ZFHX2: variants seen among roughly 807,000 people sequenced by gnomAD.
ZFHX2 encodes zinc finger homeobox 2.
A neutral mutation model predicts 164.8 loss-of-function variants in ZFHX2; 75 were observed. That is an observed-to-expected ratio of 0.46 (90% CI 0.38 to 0.55). ZFHX2 has a LOEUF of 0.55. Among genes scored for constraint, ZFHX2 ranks in the 20% least tolerant of loss-of-function variants. ZFHX2 has a pLI of 0.00. For missense variants in ZFHX2, 2,933 were observed against 3,308.0 expected, an observed-to-expected ratio of 0.89 and a Z score of 2.78; for synonymous variants, 1,217 against 1,351.4, an observed-to-expected ratio of 0.90 and a Z score of 2.18.
In ZFHX2 at chr14:23,533,295, G is replaced by C. The variant is rs1213153436; in HGVS notation, c.2031C>G (p.Phe677Leu). The C allele has an allele frequency of 5.6e-6, 8 of 1,436,748 alleles. No homozygotes were observed. In the East Asian group the frequency reaches 2.0e-4, roughly 36 times the overall value. 89.0% of individuals were successfully genotyped at this position (1,436,748 alleles called of 1,614,324 possible). A position where few individuals can be genotyped will look rare whatever the true frequency, so the allele number is the denominator to read the frequency against. Residue 677 changes from phenylalanine to leucine, a missense_variant, in exon 2 of 10, where the codon TTC (phenylalanine) becomes TTG (leucine). Transcript: ENST00000419474. The surrounding 1 kb of genome is among the most constrained non-coding windows in gnomAD (Gnocchi z 4.8). ...AGCACAGAAGCTTACCGGATGTGGG[G>C]AACTTGCGGGCAGGTGCTCCTACGT... is the stretch of plus-strand genomic sequence containing the variant. ...FHHVGAPARK[F>L]PTSAPGSLSP...
intron 1 of ZFHX2, among the ~76,000 whole-genome samples, chr14:23,549,528 T>C (rs992561879): frequency 2.0e-5 from 3 of 152,006 alleles, no homozygotes; most frequent in South Asian, 4.1e-4. Context: ...ATTACACTAA[T>C]AAACACTGCC....
rs1299604100 is a variant in ZFHX2, at chr14:23,526,181, C to T, written c.3761G>A (p.Arg1254Lys). Reference sequence around the variant, plus strand: ...GGTGGAGCTCTGGTTGTAGGAGACTCTGCAGACTGTGCACTTAAAGGGCTT... The same window carrying T: ...GGTGGAGCTCTGGTTGTAGGAGACTTTGCAGACTGTGCACTTAAAGGGCTT... The part of the protein sequence containing the change: ...TDKPFKCTVC[R>K]VSYNQSSTLE... The change falls in exon 9 of 10, where the codon AGA becomes AAA. Residue 1254 changes from arginine (R) to lysine (K), a missense_variant. Arg to Lys is a conservative substitution (Grantham distance 26). Transcript: ENST00000419474. The T allele has an allele frequency of 5.9e-6, 9 of 1,536,534 alleles. No individual in the cohort carries two copies. The highest frequency in any genetic ancestry group is 2.4e-5 in the East Asian group (1 of 40,900).
chr14:23,521,885 G>C lies in ZFHX2; in HGVS notation c.*77C>G. 1.3e-6 allele frequency: 2 copies of C among 1,515,026 alleles called. No individual in the cohort carries two copies. Among genetic ancestry groups the C allele is most frequent in the Admixed American group, 4.1e-5 (2 of 48,862 alleles). 93.8% of individuals were successfully genotyped at this position (1,515,026 alleles called of 1,614,324 possible). ...GGCCAGGGGGTGGGGTGAGGGATTTGAGCTCCCACCGAACACCCCTTGGGG... is the reference window on the plus strand; with the variant it reads ...GGCCAGGGGGTGGGGTGAGGGATTTCAGCTCCCACCGAACACCCCTTGGGG... On this transcript the variant is annotated 3_prime_UTR_variant, in exon 10 of 10. Coordinates refer to ENST00000419474, the MANE Select transcript of ZFHX2 (RefSeq NM_033400.3).
chr14:23,521,622 A>T lies in ZFHX2; in HGVS notation c.*340T>A. ...GGGAGCTGGGAATTCAGTGAGGAAA[A>T]GGAAGATAGAACCAAGGATATATTT... On this transcript the variant is annotated 3_prime_UTR_variant, in exon 10 of 10. Transcript: ENST00000419474. 4.1e-6 allele frequency: 1 copy of T among 242,126 alleles called. No homozygotes were observed. The highest frequency in any genetic ancestry group is 8.0e-6 in the Non-Finnish European group (1 of 125,482). The allele number at this position is 242,126 out of a possible 1,614,324, so 15.0% of individuals were successfully genotyped here.
rs965542534 is a variant in ZFHX2 at position 23,546,955 on chromosome 14, C to T, written c.-50+4388G>A. 6.6e-6 allele frequency among the ~76,000 whole-genome samples: 1 copy of T among 152,196 alleles called. No homozygotes were observed. Among genetic ancestry groups the T allele is most frequent in the Non-Finnish European group, 1.5e-5 (1 of 68,038 alleles). Reference sequence around the variant, plus strand: ...TCCTCCAGCACTCCCAGCTCTCTCCCCTGTCTTCTTTTGTAGATTTCTCAA... The same window carrying T: ...TCCTCCAGCACTCCCAGCTCTCTCCTCTGTCTTCTTTTGTAGATTTCTCAA... On this transcript the variant is annotated intron_variant, in intron 1 of 9. Coordinates refer to ENST00000419474, the MANE Select transcript of ZFHX2 (RefSeq NM_033400.3). The surrounding 1 kb of genome is among the most constrained non-coding windows in gnomAD (Gnocchi z 4.7).
chr14:23,527,799 G>A lies in ZFHX2; in HGVS notation c.2940C>T (p.Tyr980=). 2 of 1,525,272 alleles carry A rather than the reference G, an allele frequency of 1.3e-6. No individual in the cohort carries two copies. Among genetic ancestry groups the A allele is most frequent in the African/African-American group, 1.4e-5 (1 of 72,778 alleles). 94.5% of individuals were successfully genotyped at this position (1,525,272 alleles called of 1,614,324 possible). The part of the protein sequence containing the change: ...SRDSANQTTV[Y]CCPYCSFLSP... ...TCAGGAAGCTGCAGTATGGACAGCA[G>A]TATACCTGGAGGGAACATATGGGCA... The change falls in exon 7 of 10, where the codon TAC becomes TAT. Residue 980 remains tyrosine, a synonymous_variant. Transcript: ENST00000419474.
chr14:23,522,137 C>A lies in ZFHX2; in HGVS notation c.7544G>T (p.Arg2515Leu). The stretch of plus-strand genomic sequence containing the variant: ...TGCCTTGCGCCTGTGGGCCGAGGAG[C>A]GCAGGTGGGAGGCTAGGGCTTCACG... ...SGREALASHL[R>L]SSAHRRKAAP... is the part of the protein sequence containing the mutation. Residue 2515 changes from arginine to leucine, a missense_variant, in exon 10 of 10, where the codon CGC (arginine) becomes CTC (leucine). Transcript: ENST00000419474. 1 of 1,525,278 alleles carries A rather than the reference C, an allele frequency of 6.6e-7. No homozygotes were observed. The highest frequency in any genetic ancestry group is 8.8e-7 in the Non-Finnish European group (1 of 1,141,462). 94.5% of individuals were successfully genotyped at this position (1,525,278 alleles called of 1,614,324 possible). A position where few individuals can be genotyped will look rare whatever the true frequency, so the allele number is the denominator to read the frequency against.
chr14:23,534,424 G>C lies in ZFHX2; in HGVS notation c.902C>G (p.Ser301Cys). 6.5e-7 allele frequency: 1 copy of C among 1,536,800 alleles called. No individual in the cohort carries two copies. The highest frequency in any genetic ancestry group is 8.7e-7 in the Non-Finnish European group (1 of 1,147,060). ...GCTGTTGTCAAGGGGTATGTCAGAA[G>C]AGGGGCGAGCAGGGAGTTTTGGCTC... ...FLEPKLPARP[S>C]SDIPLDNSST... The change falls in exon 2 of 10, where the codon TCT becomes TGT. Residue 301 changes from serine (S) to cysteine (C), a missense_variant. Transcript: ENST00000419474. This position sits in a 1 kb window ranked among gnomAD's most constrained non-coding sequence, Gnocchi z 4.5.
At chr14:23,531,333 TA>T (rs2138760006) in intron 4 of ZFHX2, 147 bp downstream of exon 4, 7 of 1,202,822 alleles carry the variant, frequency 5.8e-6, no homozygotes, top group Non-Finnish European at 7.5e-6. Context: ...CATTCTGTCT[TA>T]TCCCTTCGCA....
In ZFHX2 at chr14:23,535,359, C is replaced by T. The variant is rs1288185429; in HGVS notation, c.-34G>A. The T allele has an allele frequency of 1.3e-5, 18 of 1,439,450 alleles. No individual in the cohort carries two copies. Among genetic ancestry groups the T allele is most frequent in the South Asian group, 5.8e-5 (4 of 68,800 alleles). The allele number at this position is 1,439,450 out of a possible 1,614,324, so 89.2% of individuals were successfully genotyped here. A position where few individuals can be genotyped will look rare whatever the true frequency, so the allele number is the denominator to read the frequency against. Reference sequence around the variant, plus strand: ...GAGGAGTGCTGGGGGCTCATGTCAGCGTGACAGCCAGTACCCTGTAGGGAG... The same window carrying T: ...GAGGAGTGCTGGGGGCTCATGTCAGTGTGACAGCCAGTACCCTGTAGGGAG... On this transcript the variant is annotated 5_prime_UTR_variant, in exon 2 of 10. Coordinates refer to ENST00000419474, the MANE Select transcript of ZFHX2 (RefSeq NM_033400.3). This position sits in a 1 kb window ranked among gnomAD's most constrained non-coding sequence, Gnocchi z 4.5.
chr14:23,533,319 G>C lies in ZFHX2; in HGVS notation c.2007C>G (p.His669Gln), dbSNP rs950763356. 1 of 1,438,426 alleles carries C rather than the reference G, an allele frequency of 7.0e-7. No individual in the cohort carries two copies. Among genetic ancestry groups the C allele is most frequent in the Admixed American group, 2.9e-5 (1 of 35,034 alleles). The allele number at this position is 1,438,426 out of a possible 1,614,324, so 89.1% of individuals were successfully genotyped here. Reference sequence around the variant, plus strand: ...GGAACTTGCGGGCAGGTGCTCCTACGTGGTGGAAACCATTGAGAAGTAGCT... The same window carrying C: ...GGAACTTGCGGGCAGGTGCTCCTACCTGGTGGAAACCATTGAGAAGTAGCT... ...EAQLLLNGFH[H>Q]VGAPARKFPT... Residue 669 changes from histidine to glutamine, a missense_variant, in exon 2 of 10, where the codon CAC becomes CAG. Transcript: ENST00000419474. This position sits in a 1 kb window ranked among gnomAD's most constrained non-coding sequence, Gnocchi z 4.8.
chr14:23,548,874 T>TTG (rs1491139619), intron 1 of ZFHX2, among the ~76,000 whole-genome samples: 1 of 152,178 alleles, frequency 6.6e-6, no homozygotes, highest in Non-Finnish European at 1.5e-5. Context: ...CTCGCTCTCT[T>TTG]CGCATCAGTC....
chr14:23,529,989 C>A, intron 5 of ZFHX2, 131 bp downstream of exon 5: 1 of 1,063,270 alleles, frequency 9.4e-7, no homozygotes, highest in Non-Finnish European at 1.4e-6. Context: ...GCCTCCCTTC[C>A]CCCTGATGAG....
intron 1 of ZFHX2, among the ~76,000 whole-genome samples, chr14:23,550,004 G>C (rs930759547): frequency 5.3e-5 from 8 of 152,184 alleles, no homozygotes; most frequent in African/African-American, 1.9e-4. Flanking sequence ...ATGGAAAAAA[G>C]GGGTGAAGCA....
chr14:23,531,025 A>G (rs1280393595), intron 4 of ZFHX2: 1 of 157,102 alleles, frequency 6.4e-6, no homozygotes, highest in African/African-American at 2.4e-5. Flanking sequence ...ACCTCCTAGG[A>G]GACAGGAAGA....
Position 23,523,601 on chromosome 14 carries a change from T to G in ZFHX2, c.6341A>C (p.Gln2114Pro). Residue 2114 changes from glutamine to proline, a missense_variant, in exon 9 of 10, where the codon CAG becomes CCG. Physicochemically the swap from Gln to Pro is moderately conservative, Grantham distance 76. Coordinates refer to ENST00000419474, the MANE Select transcript of ZFHX2 (RefSeq NM_033400.3). This position sits in a 1 kb window ranked among gnomAD's most constrained non-coding sequence, Gnocchi z 4.1. ...LPKRVIQVWF[Q>P]NARAKEKKAK... ...CTTCTTTTCCTTGGCACGAGCATTC[T>G]GGAACCAGACCTGGATGACTCTCTT... The G allele has an allele frequency of 6.4e-7, 1 of 1,554,988 alleles. No homozygotes were observed. Among genetic ancestry groups the G allele is most frequent in the South Asian group, 1.2e-5 (1 of 85,792 alleles).
rs1472074773 is a variant in ZFHX2 at position 23,526,588 on chromosome 14, G to A, written c.3354C>T (p.Ser1118=). ...GGGCTGGAGAAGGGGGTTGGCCAGG[G>A]CTTCCTGAGGGTTTGTCTGGGACCT... The part of the protein sequence containing the change: ...SVEVPDKPSG[S]PGQPPSPAPS... The change falls in exon 9 of 10, where the codon AGC becomes AGT. Residue 1118 remains serine (S), a synonymous_variant. Coordinates refer to ENST00000419474, the MANE Select transcript of ZFHX2 (RefSeq NM_033400.3). The A allele has an allele frequency of 2.6e-6, 4 of 1,535,714 alleles. No individual in the cohort carries two copies. Among genetic ancestry groups the A allele is most frequent in the African/African-American group, 1.4e-5 (1 of 72,966 alleles).
At position 23,523,198 on chromosome 14, in the gene ZFHX2, C is replaced by T; in HGVS notation, c.6739+5G>A. 7.0e-7 allele frequency: 1 copy of T among 1,418,986 alleles called. No homozygotes were observed. The highest frequency in any genetic ancestry group is 3.1e-5 in the Admixed American group (1 of 32,178). 87.9% of individuals were successfully genotyped at this position (1,418,986 alleles called of 1,614,324 possible). ...AGTCCAGCTCCTCCCAGCCTCCCTACTCACCTGAATTGAAAGGAGCTAAGT... is the reference window on the plus strand; with the variant it reads ...AGTCCAGCTCCTCCCAGCCTCCCTATTCACCTGAATTGAAAGGAGCTAAGT... On this transcript the variant is annotated splice_donor_5th_base_variant and intron_variant, in intron 9 of 9. Transcript: ENST00000419474. This position sits in a 1 kb window ranked among gnomAD's most constrained non-coding sequence, Gnocchi z 4.1.
At chr14:23,529,646 T>C (rs1430688922) in intron 6 of ZFHX2, 64 bp downstream of exon 6, 55 of 1,412,738 alleles carry the variant, frequency 3.9e-5, no homozygotes, top group Non-Finnish European at 5.2e-5. Flanking sequence ...GCCTTTAGAA[T>C]ATGAGCAGAT....
Sources: allele counts gnomAD v4.1 joint callset (sites outside exome capture counted in the v4.1 genomes callset), GRCh38; gene constraint gnomAD v4.1.1; non-coding constraint Gnocchi (gnomAD v3.1); transcripts MANE v1.5; gene names NCBI Gene and HGNC (gene_info 2026-07-23, HGNC 2026-07-21).